The following KAZN variants were observed in gnomAD, a reference collection of about 807,000 sequenced individuals.
KAZN encodes the protein kazrin, periplakin interacting protein.
KAZN carries 40 observed loss-of-function variants against 87.4 expected under a neutral mutation model. The ratio of observed to expected loss-of-function variants is 0.46; its 90% confidence interval spans 0.36 to 0.60. The LOEUF is 0.60. Ranked by LOEUF, KAZN falls within the 20% of genes least tolerant of loss-of-function variation. KAZN has a pLI of 0.00. For missense variants in KAZN, 898 were observed against 1,073.9 expected (o/e 0.84, Z 2.29); for synonymous variants, 466 against 458.3 (o/e 1.02, Z -0.22).
intron 2 of KAZN, among the ~76,000 whole-genome samples, chr1:14,472,250 A>G (rs1273888175): frequency 6.6e-6 from 1 of 152,176 alleles, no homozygotes; most frequent in East Asian, 1.9e-4. Flanking sequence ...TTTTGGCCAT[A>G]CAGAAACGTT....
At chr1:14,115,609 A>G (rs539332046) in intron 1 of KAZN, among the ~76,000 whole-genome samples, 1 of 152,332 alleles carries the variant, frequency 6.6e-6, no homozygotes, top group Non-Finnish European at 1.5e-5. Flanking sequence ...GCATGTCTTT[A>G]TCAGCAGCAT....
chr1:14,961,358 A>AG lies in KAZN; in HGVS notation c.418+488dup, dbSNP rs376482227. Among the ~76,000 whole-genome samples, 33 of 152,280 alleles carry AG rather than the reference A, an allele frequency of 2.2e-4. 1 individual carries two copies. The highest frequency in any genetic ancestry group is 1.4e-3 in the Admixed American group (21 of 15,296). ...TGGAAGATGACATGGTGTAGTGTCC[A>AG]GGGGGTCTCTTGAAGACAAGGACCA... On this transcript the variant is annotated intron_variant, in intron 2 of 14. Coordinates refer to ENST00000376030, the MANE Select transcript of KAZN (RefSeq NM_201628.3).
In KAZN at chr1:14,923,607, G is replaced by A. The variant is rs934171926; in HGVS notation, c.227-37077G>A. On this transcript the variant is annotated intron_variant, in intron 1 of 14. Coordinates refer to ENST00000376030, the MANE Select transcript of KAZN (RefSeq NM_201628.3). This position sits in a 1 kb window ranked among gnomAD's most constrained non-coding sequence, Gnocchi z 4.2. ...GCTGGGGAAGTGAGGTGAAGTCACA[G>A]GGCCTCCCACCAGATCTCAGCCCCC... 4.6e-5 allele frequency among the ~76,000 whole-genome samples: 7 copies of A among 152,246 alleles called. No individual in the cohort carries two copies. Among genetic ancestry groups the A allele is most frequent in the African/African-American group, 1.7e-4 (7 of 41,478 alleles).
rs1647750520 is a variant in KAZN at position 14,839,954 on chromosome 1, C to T, written c.227-120730C>T. 2.6e-5 allele frequency among the ~76,000 whole-genome samples: 4 copies of T among 152,202 alleles called. No individual in the cohort carries two copies. In the South Asian group the frequency reaches 8.3e-4, roughly 32 times the overall value. On this transcript the variant is annotated intron_variant, in intron 1 of 14. Transcript: ENST00000376030. ...GGAGGAAGAGCCAAATGGTCTCTGT[C>T]CTGCCTTCTGTCCTCTCCAGTACCT...
rs543759404 is a variant in KAZN at position 14,169,874 on chromosome 1, A to G, written c.92-10561A>G. Among the ~76,000 whole-genome samples, 6 of 152,300 alleles carry G rather than the reference A, an allele frequency of 3.9e-5. No individual in the cohort carries two copies. In the East Asian group the frequency reaches 1.2e-3, roughly 29 times the overall value. On this transcript the variant is annotated intron_variant, in intron 1 of 16. Coordinates refer to the KAZN transcript ENST00000636203. Reference sequence around the variant, plus strand: ...CCCAAGAAGATGAAGTCACTTCCCAACAGCTATTAGACACAGCTAATAGCA... The same window carrying G: ...CCCAAGAAGATGAAGTCACTTCCCAGCAGCTATTAGACACAGCTAATAGCA...
At chr1:14,538,789 T>C (rs1032414394) in intron 2 of KAZN, among the ~76,000 whole-genome samples, 1 of 152,194 alleles carries the variant, frequency 6.6e-6, no homozygotes, top group African/African-American at 2.4e-5. Context: ...CTGATCACTT[T>C]TGAAATTAGT....
chr1:14,040,979 T>C (rs1287196548), intron 1 of KAZN, among the ~76,000 whole-genome samples: 1 of 152,130 alleles, frequency 6.6e-6, no homozygotes, highest in Non-Finnish European at 1.5e-5. Flanking sequence ...AACCAAGTAA[T>C]GCACATGTAT....
chr1:14,642,719 A>C (rs957880249), intron 1 of KAZN, among the ~76,000 whole-genome samples: 2 of 152,244 alleles, frequency 1.3e-5, no homozygotes, highest in Non-Finnish European at 2.9e-5. Flanking sequence ...AAGAAACGAT[A>C]AATATTTGAG....
intron 1 of KAZN, among the ~76,000 whole-genome samples, chr1:14,796,321 G>C (rs145280362): frequency 6.6e-6 from 1 of 152,124 alleles, no homozygotes; most frequent in African/African-American, 2.4e-5. Flanking sequence ...GGCCACCTCC[G>C]TTCTCCAAAC....
At chr1:14,939,831 A>C (rs546528916) in intron 1 of KAZN, among the ~76,000 whole-genome samples, 1 of 152,290 alleles carries the variant, frequency 6.6e-6, no homozygotes, top group Admixed American at 6.5e-5. Context: ...AGAGACCCTG[A>C]GCTCCTCCTC....
intron 1 of KAZN, among the ~76,000 whole-genome samples, chr1:14,833,202 T>C (rs896953979): frequency 2.0e-5 from 3 of 152,016 alleles, no homozygotes; most frequent in African/African-American, 7.3e-5. Flanking sequence ...ACTCACCGAG[T>C]TGGACCATGG....
intron 1 of KAZN, among the ~76,000 whole-genome samples, chr1:14,740,301 GA>G (rs1292808859): frequency 6.6e-6 from 1 of 152,204 alleles, no homozygotes; most frequent in East Asian, 1.9e-4. Flanking sequence ...TTCTGGGCAG[GA>G]CGCCTCTAAA....
intron 1 of KAZN, among the ~76,000 whole-genome samples, chr1:14,006,096 C>A (rs1640026979): frequency 1.3e-5 from 2 of 152,184 alleles, no homozygotes; most frequent in Non-Finnish European, 2.9e-5. Flanking sequence ...TTCTCCCAAT[C>A]TGTAGGCTGC....
At chr1:14,768,558 C>T (rs1440654966) in intron 1 of KAZN, among the ~76,000 whole-genome samples, 2 of 152,248 alleles carry the variant, frequency 1.3e-5, no homozygotes, top group Admixed American at 6.5e-5. Flanking sequence ...GTGGTCTCCA[C>T]TTCCACTCTC....
chr1:15,089,050 G>A (rs888688811), intron 8 of KAZN, among the ~76,000 whole-genome samples: 6 of 151,880 alleles, frequency 4.0e-5, no homozygotes, highest in South Asian at 2.1e-4. Flanking sequence ...GTTTGTCCAC[G>A]TATCTGTTAT....
chr1:14,476,329 C>G (rs1437119409), intron 2 of KAZN, among the ~76,000 whole-genome samples: 1 of 152,200 alleles, frequency 6.6e-6, no homozygotes, highest in Non-Finnish European at 1.5e-5. Flanking sequence ...CAATTTCTTG[C>G]CCAATTTTCA....
chr1:14,987,487 C>T (rs899959036), intron 2 of KAZN, among the ~76,000 whole-genome samples: 6 of 152,018 alleles, frequency 3.9e-5, no homozygotes, highest in African/African-American at 1.4e-4. Flanking sequence ...GGGCAAGACT[C>T]CATCTCAATT....
At chr1:14,875,883 G>T (rs759483387) in intron 1 of KAZN, among the ~76,000 whole-genome samples, 4 of 152,200 alleles carry the variant, frequency 2.6e-5, no homozygotes, top group Non-Finnish European at 2.9e-5. Context: ...TTCCTGGAAG[G>T]GGGTAGATTT....
chr1:14,050,331 G>A (rs1642275778), intron 1 of KAZN, among the ~76,000 whole-genome samples: 1 of 152,200 alleles, frequency 6.6e-6, no homozygotes, highest in South Asian at 2.1e-4. Context: ...AGCTGAGTTA[G>A]GCCCCTGTAG....
Sources: gnomAD v4.1 joint callset for allele counts (sites outside exome capture counted in the v4.1 genomes callset) on GRCh38, gnomAD v4.1.1 for gene constraint, Gnocchi (gnomAD v3.1) non-coding constraint, MANE v1.5 for transcripts, NCBI Gene and HGNC (gene_info 2026-07-23, HGNC 2026-07-21) for gene names.